The following SOCS2 variants were observed in gnomAD, a reference collection of about 807,000 sequenced individuals.
The protein encoded by SOCS2 is CIS-2.
SOCS2 carries 10 observed loss-of-function variants against 18.6 expected under a neutral mutation model. The observed-to-expected ratio is 0.54, with a 90% CI of 0.33 to 0.91. SOCS2 has a LOEUF of 0.91. SOCS2 is among the 40% of genes least tolerant of loss of function. SOCS2 has a pLI of 0.02. For missense variants in SOCS2, 231 were observed against 247.2 expected (o/e 0.93, Z 0.44); for synonymous variants, 104 against 104.0 (o/e 1.00, Z 0.00).
At chr12:93,617,118 A>G in the SOCS2 span, among the ~76,000 whole-genome samples, 1 of 152,170 alleles carries the variant, frequency 6.6e-6, no homozygotes, top group Non-Finnish European at 1.5e-5. Flanking sequence ...TGCTAAGCAG[A>G]CTGTCTTATG....
chr12:93,614,484 C>CTTTCTTTCTTTCT, the SOCS2 span, among the ~76,000 whole-genome samples: 6 of 23,796 alleles, frequency 2.5e-4, no homozygotes, highest in African/African-American at 1.2e-3. Flanking sequence ...CCTTCCTTTC[C>CTTTCTTTCTTTCT]TTCCTTCCTT....
At chr12:93,579,142 C>A (rs544460616), downstream of SOCS2, among the ~76,000 whole-genome samples, 1 of 152,246 alleles carries the variant, frequency 6.6e-6, no homozygotes, top group Admixed American at 6.5e-5. Context: ...AATGCCTGGG[C>A]GACTGCCCGC....
chr12:93,614,866 G>A, the SOCS2 span, among the ~76,000 whole-genome samples: 2 of 150,868 alleles, frequency 1.3e-5, no homozygotes, highest in African/African-American at 2.4e-5. Flanking sequence ...CATCCGCCTC[G>A]GCCTCCCAAA....
intron 1 of SOCS2, chr12:93,573,362 G>C: frequency 2.0e-6 from 1 of 504,062 alleles, no homozygotes; most frequent in Non-Finnish European, 3.5e-6. Flanking sequence ...GAAAGCGTCG[G>C]GCGCCTCCCT....
downstream of SOCS2, among the ~76,000 whole-genome samples, chr12:93,577,799 CTATTT>C (rs898639701): frequency 6.6e-6 from 1 of 152,112 alleles, no homozygotes; most frequent in Non-Finnish European, 1.5e-5. Context: ...AGGGGGCTTC[CTATTT>C]GATTTAGTGG....
the SOCS2 span, among the ~76,000 whole-genome samples, chr12:93,593,058 T>G: frequency 6.6e-6 from 1 of 152,092 alleles, no homozygotes; most frequent in Non-Finnish European, 1.5e-5. Context: ...TTTCCTGCCT[T>G]CTCTCTCCCC....
the SOCS2 span, among the ~76,000 whole-genome samples, chr12:93,596,689 G>A: frequency 6.6e-6 from 1 of 152,308 alleles, no homozygotes; most frequent in South Asian, 2.1e-4. Flanking sequence ...TTAGCTGGGC[G>A]TGTTGGCCTG....
downstream of SOCS2, among the ~76,000 whole-genome samples, chr12:93,587,679 T>TAAAAAAAA (rs1015520754): frequency 1.1e-5 from 1 of 93,780 alleles, no homozygotes; most frequent in African/African-American, 3.7e-5. Flanking sequence ...AGACTCTGTC[T>TAAAAAAAA]AAAAAAAAAA....
chr12:93,572,294 A>G (rs1457143833), upstream of SOCS2: 1 of 181,436 alleles, frequency 5.5e-6, no homozygotes, highest in Non-Finnish European at 1.1e-5. This position sits in a 1 kb window ranked among gnomAD's most constrained non-coding sequence, Gnocchi z 5.0. Flanking sequence ...CGGAATGCCA[A>G]TTTGGGGAAT....
the SOCS2 span, among the ~76,000 whole-genome samples, chr12:93,607,386 A>T: frequency 6.6e-6 from 1 of 152,170 alleles, no homozygotes; most frequent in African/African-American, 2.4e-5. Flanking sequence ...TTTCCAAGAG[A>T]TGGCATGTGC....
chr12:93,625,745 CAAAA>C, the SOCS2 span, among the ~76,000 whole-genome samples: 6 of 62,474 alleles, frequency 9.6e-5, no homozygotes, highest in Non-Finnish European at 1.6e-4. Flanking sequence ...GAGACCATCT[CAAAA>C]AAAAAAAAAA....
the SOCS2 span, among the ~76,000 whole-genome samples, chr12:93,606,966 T>C: frequency 2.0e-5 from 3 of 152,184 alleles, no homozygotes; most frequent in Admixed American, 2.0e-4. Flanking sequence ...TTAATTTTGT[T>C]CAAGGAATTC....
In SOCS2 at chr12:93,574,769, A is replaced by G; in HGVS notation, c.187A>G (p.Lys63Glu). 1.2e-6 allele frequency: 2 copies of G among 1,614,066 alleles called. No individual in the cohort carries two copies. Among genetic ancestry groups the G allele is most frequent in the Non-Finnish European group, 1.7e-6 (2 of 1,179,986 alleles). The stretch of plus-strand genomic sequence containing the variant: ...TGTTAATGAAGCCAAAGAGAAATTA[A>G]AAGAGGCACCAGAAGGAACTTTCTT... ...MTVNEAKEKLKEAPEGTFLIR... is the reference protein window; with the variant it reads ...MTVNEAKEKLEEAPEGTFLIR... The change falls in exon 2 of 2, where the codon AAA becomes GAA. Residue 63 changes from lysine to glutamate, a missense_variant. This residue lies in a region of SOCS2 where 106 missense variants were observed against 103.8 expected (regional missense o/e 1.02). Transcript: ENST00000551556.
chr12:93,587,574 G>C (rs1281230591), downstream of SOCS2, among the ~76,000 whole-genome samples: 7 of 151,474 alleles, frequency 4.6e-5, no homozygotes, highest in Admixed American at 4.6e-4. Flanking sequence ...CCAGCTACTT[G>C]GGAGGCTGAG....
chr12:93,581,133 A>G (rs1954533998), downstream of SOCS2, among the ~76,000 whole-genome samples: 1 of 152,228 alleles, frequency 6.6e-6, no homozygotes, highest in South Asian at 2.1e-4. Context: ...CTGAGAGTCA[A>G]TTACTAAAAA....
the SOCS2 span, among the ~76,000 whole-genome samples, chr12:93,608,071 A>G: frequency 6.7e-6 from 1 of 150,282 alleles, no homozygotes; most frequent in Non-Finnish European, 1.5e-5. Flanking sequence ...TGCAATCATA[A>G]CTCGCTGCAG....
At chr12:93,608,074 C>T in the SOCS2 span, among the ~76,000 whole-genome samples, 3 of 148,024 alleles carry the variant, frequency 2.0e-5, no homozygotes, top group East Asian at 2.0e-4. Context: ...AATCATAACT[C>T]GCTGCAGCCT....
the SOCS2 span, among the ~76,000 whole-genome samples, chr12:93,621,747 G>A: frequency 6.6e-6 from 1 of 152,146 alleles, no homozygotes; most frequent in East Asian, 1.9e-4. Flanking sequence ...GCCTTCCAAA[G>A]TGAGTGCTAG....
chr12:93,620,073 C>T, the SOCS2 span, among the ~76,000 whole-genome samples: 1 of 151,948 alleles, frequency 6.6e-6, no homozygotes, highest in African/African-American at 2.4e-5. Context: ...ACTTTGTATC[C>T]TTATTGCAGG....
Sources: gnomAD v4.1 joint callset for allele counts (sites outside exome capture counted in the v4.1 genomes callset) on GRCh38, gnomAD v4.1.1 for gene constraint, gnomAD v4.1.1 regional missense constraint, Gnocchi (gnomAD v3.1) non-coding constraint, MANE v1.5 for transcripts, NCBI Gene and HGNC (gene_info 2026-07-23, HGNC 2026-07-21) for gene names.